ANO1: variants seen among roughly 807,000 people sequenced by gnomAD.
ANO1 encodes anoctamin-1.
ANO1 carries 59 observed loss-of-function variants against 124.0 expected under a neutral mutation model. The ratio of observed to expected loss-of-function variants is 0.48; its 90% CI spans 0.39 to 0.59. The LOEUF (loss-of-function observed/expected upper bound fraction) is 0.59, where lower values mean the gene tolerates loss of function less well. Ranked by LOEUF, ANO1 falls within the 20% of genes least tolerant of loss-of-function variation. ANO1 has a pLI of 0.00. For synonymous variants in ANO1, 529 were observed against 532.0 expected, an observed-to-expected ratio of 0.99 and a Z score of 0.08; for missense variants, 1,059 against 1,328.0, an observed-to-expected ratio of 0.80 and a Z score of 3.15.
At chr11:70,091,223 C>T (rs569801008) in intron 2 of ANO1, among the ~76,000 whole-genome samples, 3 of 152,234 alleles carry the variant, frequency 2.0e-5, no homozygotes, top group South Asian at 2.1e-4. Context: ...CAGATTACAA[C>T]GAGCAAAGGG....
intron 8 of ANO1, among the ~76,000 whole-genome samples, chr11:70,123,429 G>A (rs1470924075): frequency 6.6e-6 from 1 of 152,230 alleles, no homozygotes; most frequent in East Asian, 1.9e-4. Context: ...GCGAGGCTAT[G>A]TCAGCTGTGG....
chr11:70,161,068 T>G (rs1482802316), intron 16 of ANO1, 93 bp from the exon 17 acceptor site: 1 of 1,201,812 alleles, frequency 8.3e-7, no homozygotes, highest in Admixed American at 2.5e-5. Context: ...AGCGGGAAGG[T>G]TGGGGGACAG....
chr11:70,167,288 C>A lies in ANO1; in HGVS notation c.2098C>A (p.Pro700Thr). Reference protein sequence around the residue: ...IRYLKLKQQSPPDHEECVKRK... With the variant: ...IRYLKLKQQSTPDHEECVKRK... ...CTACCTGAAGCTGAAGCAGCAGAGC[C>A]CCCCTGACCACGAGGAGTGTGTGAA... Residue 700 changes from proline (P) to threonine (T), a missense_variant, in exon 21 of 26, where the codon CCC becomes ACC. Physicochemically the swap from Pro to Thr is conservative, Grantham distance 38. Coordinates refer to ENST00000355303, the MANE Select transcript of ANO1 (RefSeq NM_018043.7). The A allele has an allele frequency of 6.2e-7, 1 of 1,613,996 alleles. No homozygotes were observed. Among genetic ancestry groups the A allele is most frequent in the East Asian group, 2.2e-5 (1 of 44,884 alleles).
intron 12 of ANO1, 81 bp from the exon 13 acceptor site, chr11:70,152,369 T>G (rs1590868253): frequency 8.4e-7 from 1 of 1,186,038 alleles, no homozygotes; most frequent in Non-Finnish European, 1.2e-6. Flanking sequence ...TTGTCCTTAG[T>G]GGACAGGTCC....
intron 8 of ANO1, among the ~76,000 whole-genome samples, chr11:70,122,310 T>C (rs1247972400): frequency 5.1e-5 from 5 of 98,216 alleles, no homozygotes. Context: ...CTCCCCCGCC[T>C]CTCTCTGTCT....
At chr11:70,058,181 G>C (rs1471123933) in intron 1 of ANO1, among the ~76,000 whole-genome samples, 1 of 152,158 alleles carries the variant, frequency 6.6e-6, no homozygotes, top group Non-Finnish European at 1.5e-5. Context: ...AAGAGAAGGA[G>C]AAAAACAGGT....
At position 70,130,780 on chromosome 11, in the gene ANO1, G is replaced by C. The variant is rs537603882; in HGVS notation, c.1098-1139G>C. Among the ~76,000 whole-genome samples the C allele has an allele frequency of 4.1e-4, 63 of 152,314 alleles. No homozygotes were observed. The South Asian group carries it at 6.4e-3, about 16-fold the overall frequency. On this transcript the variant is annotated intron_variant, in intron 10 of 25. Transcript: ENST00000355303. ...CCATCATCCCTGGCAGGCCCCCCCG[G>C]CTTCCCGAGTGAGCCTACAGGGTGG... is the stretch of plus-strand genomic sequence containing the variant.
chr11:70,091,166 A>T (rs1439773717), intron 2 of ANO1, among the ~76,000 whole-genome samples: 1 of 152,206 alleles, frequency 6.6e-6, no homozygotes, highest in Non-Finnish European at 1.5e-5. Flanking sequence ...TGTTCATTTC[A>T]GGGGGAAGAA....
intron 1 of ANO1, among the ~76,000 whole-genome samples, chr11:70,013,247 G>A (rs545739777): frequency 5.3e-5 from 8 of 152,318 alleles, no homozygotes; most frequent in South Asian, 2.1e-4. Context: ...AGCCACAGCA[G>A]TGGCCAAGGC....
At chr11:70,152,245 G>A (rs2047629453) in intron 12 of ANO1, among the ~76,000 whole-genome samples, 1 of 146,542 alleles carries the variant, frequency 6.8e-6, no homozygotes, top group Non-Finnish European at 1.5e-5. Context: ...TGAGGCAGGA[G>A]AATCACTTGA....
chr11:70,162,215 G>A (rs949167522), intron 18 of ANO1, among the ~76,000 whole-genome samples: 1 of 150,164 alleles, frequency 6.7e-6, no homozygotes, highest in Non-Finnish European at 1.5e-5. Context: ...CGGGCAGTGG[G>A]GACCCCAGGC....
chr11:70,025,824 ATGG>A, intron 1 of ANO1, among the ~76,000 whole-genome samples: 1 of 71,118 alleles, frequency 1.4e-5, no homozygotes, highest in South Asian at 4.7e-4. Flanking sequence ...GGTGATGATG[ATGG>A]TGGTGGTGAT....
chr11:70,083,279 A>G (rs544365087), intron 1 of ANO1, among the ~76,000 whole-genome samples: 5 of 152,184 alleles, frequency 3.3e-5, no homozygotes, highest in African/African-American at 1.2e-4. Flanking sequence ...CCTTCCAGCA[A>G]CCCCATGAGG....
rs2047841570 is a variant in ANO1 at position 70,157,036 on chromosome 11, G to C, written c.1578+15G>C. On this transcript the variant is annotated intron_variant, in intron 16 of 25. Coordinates refer to ENST00000355303, the MANE Select transcript of ANO1 (RefSeq NM_018043.7). ...TCATCTTCATGGTAAGTTCCAGAAG[G>C]TTAAGGCCAGACGAAGTCAGGGGAA... 2 of 1,610,288 alleles carry C rather than the reference G, an allele frequency of 1.2e-6. No individual in the cohort carries two copies. The highest frequency in any genetic ancestry group is 1.7e-6 in the Non-Finnish European group (2 of 1,177,996).
intron 8 of ANO1, among the ~76,000 whole-genome samples, chr11:70,117,424 T>C (rs2046030797): frequency 6.6e-6 from 1 of 152,116 alleles, no homozygotes; most frequent in Non-Finnish European, 1.5e-5. Flanking sequence ...CCCAAAGCGT[T>C]GGTCCCCACC....
chr11:70,083,900 GACCTGCAGAGGCCAGAGGGGCTGGCC>G (rs2044276576), intron 1 of ANO1, among the ~76,000 whole-genome samples: 1 of 152,220 alleles, frequency 6.6e-6, no homozygotes, highest in East Asian at 1.9e-4. Context: ...AGCACAGAGA[GACCTGCAGAGGCCAGAGGGGCTGGCC>G]ACCTTCAGAT....
intron 1 of ANO1, among the ~76,000 whole-genome samples, chr11:69,998,412 C>T (rs1190488838): frequency 6.6e-6 from 1 of 152,072 alleles, no homozygotes; most frequent in Non-Finnish European, 1.5e-5. Context: ...CTGTGTCCAG[C>T]GTCCTCGGTT....
At chr11:70,152,967 T>C in intron 13 of ANO1, 90 bp from the exon 14 acceptor site, 1 of 1,169,078 alleles carries the variant, frequency 8.6e-7, no homozygotes, top group Non-Finnish European at 1.2e-6. Context: ...CCGAGGCTAA[T>C]ACATGGACTG....
At chr11:70,047,759 C>T (rs1014226529) in intron 1 of ANO1, among the ~76,000 whole-genome samples, 3 of 152,202 alleles carry the variant, frequency 2.0e-5, no homozygotes, top group African/African-American at 7.2e-5. Flanking sequence ...ATGGAGGCAT[C>T]AGCATCAATT....
Sources: allele counts gnomAD v4.1 joint callset (sites outside exome capture counted in the v4.1 genomes callset), GRCh38; gene constraint gnomAD v4.1.1; transcripts MANE v1.5; gene names NCBI Gene and HGNC (gene_info 2026-07-23, HGNC 2026-07-21).